The following SGCZ variants were observed in gnomAD, a reference collection of about 807,000 sequenced individuals.
SGCZ encodes the protein zeta-sarcoglycan.
A neutral mutation model predicts 41.3 loss-of-function variants in SGCZ; 40 were observed. That is an observed-to-expected ratio of 0.97 (90% CI 0.75 to 1.26). The LOEUF (loss-of-function observed/expected upper bound fraction) is 1.26. Ranked by LOEUF, SGCZ falls within the 50% of genes most tolerant of loss-of-function variation. SGCZ has a pLI of 0.00. For missense variants in SGCZ, 552 were observed against 369.8 expected, an observed-to-expected ratio of 1.49 and a Z score of -4.04; for synonymous variants, 206 against 137.5, an observed-to-expected ratio of 1.50 and a Z score of -3.49.
intron 1 of SGCZ, among the ~76,000 whole-genome samples, chr8:14,559,263 A>T (rs1804134432): frequency 1.3e-5 from 2 of 152,126 alleles, no homozygotes; most frequent in African/African-American, 4.8e-5. Flanking sequence ...CCTAGAACTG[A>T]TGAATGAATT....
rs553173829 is a variant in SGCZ, at chr8:14,621,144, T to C, written c.40-66218A>G. 6.6e-5 allele frequency among the ~76,000 whole-genome samples: 10 copies of C among 151,966 alleles called. No individual in the cohort carries two copies. In the South Asian group the frequency reaches 2.1e-3, roughly 32 times the overall value. On this transcript the variant is annotated intron_variant, in intron 1 of 7. Coordinates refer to ENST00000382080, the MANE Select transcript of SGCZ (RefSeq NM_139167.4). ...TGAGCTCATGTCCTTTGTAGGGACA[T>C]GGATGAAGCTGGAAACCATCATTCT...
intron 1 of SGCZ, among the ~76,000 whole-genome samples, chr8:15,150,460 C>G (rs778939711): frequency 3.0e-4 from 45 of 152,180 alleles, no homozygotes; most frequent in Non-Finnish European, 5.3e-4. Flanking sequence ...GGTAAAGCCA[C>G]GTGATTCACT....
chr8:14,435,592 G>C (rs529769398), intron 2 of SGCZ, among the ~76,000 whole-genome samples: 1 of 152,194 alleles, frequency 6.6e-6, no homozygotes, highest in South Asian at 2.1e-4. Context: ...CACAAAGATA[G>C]CATGGCCTAT....
At chr8:15,048,415 G>C (rs1380396486) in intron 1 of SGCZ, among the ~76,000 whole-genome samples, 1 of 151,966 alleles carries the variant, frequency 6.6e-6, no homozygotes, top group African/African-American at 2.4e-5. Context: ...GTGTTCAATA[G>C]CTCAGTAGGG....
intron 1 of SGCZ, among the ~76,000 whole-genome samples, chr8:14,966,586 T>C (rs1203722745): frequency 2.6e-5 from 4 of 152,122 alleles, no homozygotes; most frequent in African/African-American, 9.6e-5. Context: ...ATTTTACTAA[T>C]GCCATATTTA....
At chr8:14,783,622 C>T (rs1800659613) in intron 1 of SGCZ, among the ~76,000 whole-genome samples, 1 of 151,830 alleles carries the variant, frequency 6.6e-6, no homozygotes, top group Non-Finnish European at 1.5e-5. Context: ...TGCTGGTTTC[C>T]TTTGTGAGCT....
intron 1 of SGCZ, among the ~76,000 whole-genome samples, chr8:14,782,598 C>A (rs1800624688): frequency 6.6e-6 from 1 of 152,132 alleles, no homozygotes; most frequent in Non-Finnish European, 1.5e-5. Flanking sequence ...TACTGACAAT[C>A]TGCTATAAAC....
intron 2 of SGCZ, among the ~76,000 whole-genome samples, chr8:14,332,382 G>A (rs1043229409): frequency 3.9e-5 from 6 of 152,072 alleles, no homozygotes; most frequent in Middle Eastern, 3.4e-3. Context: ...CGGAGCTTGC[G>A]GTGAGCCGAG....
chr8:14,387,402 G>A (rs1293072441), intron 2 of SGCZ, among the ~76,000 whole-genome samples: 3 of 152,060 alleles, frequency 2.0e-5, no homozygotes, highest in Non-Finnish European at 4.4e-5. Context: ...CCACTATGTA[G>A]TATAATTTAA....
At chr8:14,183,537 G>A (rs545312415) in intron 4 of SGCZ, among the ~76,000 whole-genome samples, 3 of 152,124 alleles carry the variant, frequency 2.0e-5, no homozygotes, top group African/African-American at 7.2e-5. Flanking sequence ...GAATGTAAAG[G>A]TGGTTTATAC....
At chr8:14,325,603 A>G (rs1247114552) in intron 2 of SGCZ, among the ~76,000 whole-genome samples, 3 of 147,142 alleles carry the variant, frequency 2.0e-5, no homozygotes, top group Non-Finnish European at 3.0e-5. Context: ...CATATAGTTG[A>G]TTATATATAA....
At chr8:14,699,370 G>A (rs962277756) in intron 1 of SGCZ, among the ~76,000 whole-genome samples, 1 of 151,436 alleles carries the variant, frequency 6.6e-6, no homozygotes, top group Admixed American at 6.6e-5. Flanking sequence ...ATGAGGAAAG[G>A]GCTCTATATT....
intron 1 of SGCZ, among the ~76,000 whole-genome samples, chr8:14,849,344 A>C (rs1335946868): frequency 2.0e-5 from 3 of 152,160 alleles, no homozygotes; most frequent in Non-Finnish European, 4.4e-5. Flanking sequence ...TCACCAAGAA[A>C]AAAATAATTG....
intron 1 of SGCZ, among the ~76,000 whole-genome samples, chr8:14,630,821 T>C (rs1033776454): frequency 1.5e-5 from 2 of 130,516 alleles, no homozygotes; most frequent in African/African-American, 5.8e-5. Flanking sequence ...AATTGAACAA[T>C]GAGAACACTT....
intron 1 of SGCZ, among the ~76,000 whole-genome samples, chr8:15,071,372 A>G (rs1223232984): frequency 6.6e-6 from 1 of 152,204 alleles, no homozygotes; most frequent in Non-Finnish European, 1.5e-5. Flanking sequence ...ATAATAACTC[A>G]TAAGAAAGGA....
At chr8:14,875,030 TTGTC>T (rs1804297963) in intron 1 of SGCZ, among the ~76,000 whole-genome samples, 1 of 152,198 alleles carries the variant, frequency 6.6e-6, no homozygotes, top group Non-Finnish European at 1.5e-5. Flanking sequence ...AAGGGTATCT[TTGTC>T]TGTGTGTATT....
At chr8:14,359,100 T>G (rs1038720598) in intron 2 of SGCZ, among the ~76,000 whole-genome samples, 1 of 152,108 alleles carries the variant, frequency 6.6e-6, no homozygotes, top group Non-Finnish European at 1.5e-5. Flanking sequence ...GTAATTATAA[T>G]TATGATATTC....
intron 1 of SGCZ, among the ~76,000 whole-genome samples, chr8:14,607,563 C>T (rs1805791339): frequency 6.6e-6 from 1 of 152,094 alleles, no homozygotes; most frequent in Admixed American, 6.6e-5. Context: ...AGCTATAAAC[C>T]ACATGCACTC....
At chr8:14,987,938 G>A (rs951821832) in intron 1 of SGCZ, among the ~76,000 whole-genome samples, 1 of 151,894 alleles carries the variant, frequency 6.6e-6, no homozygotes, top group Non-Finnish European at 1.5e-5. Flanking sequence ...TCGTCTCAAT[G>A]TCAAGTAATT....
Sources: allele counts gnomAD v4.1 joint callset (sites outside exome capture counted in the v4.1 genomes callset), GRCh38; gene constraint gnomAD v4.1.1; transcripts MANE v1.5; gene names NCBI Gene and HGNC (gene_info 2026-07-23, HGNC 2026-07-21).